HS6ST1: variants seen among roughly 807,000 people sequenced by gnomAD.
The protein encoded by HS6ST1 is heparan sulfate 6-O-sulfotransferase 1.
In HS6ST1, 3 loss-of-function variants were observed where a neutral mutation model predicts 25.2. That is an observed-to-expected ratio of 0.12 (90% CI 0.05 to 0.31). The LOEUF (loss-of-function observed/expected upper bound fraction) is 0.31, where lower values mean the gene tolerates loss of function less well. Among genes scored for constraint, HS6ST1 ranks in the 10% least tolerant of loss-of-function variants. HS6ST1 has a pLI of 1.00. For missense variants in HS6ST1, 310 were observed against 609.6 expected, an observed-to-expected ratio of 0.51 and a Z score of 5.18; for synonymous variants, 204 against 275.1, an observed-to-expected ratio of 0.74 and a Z score of 2.56.
At position 128,268,016 on chromosome 2, in the gene HS6ST1, C is replaced by T. The variant is rs1693548236; in HGVS notation, c.*146G>A. ...CCATCCCTGCCCAGCCCCACTACAT[C>T]CCTGCTCTGTTTTTTTTCAGGACGC... On this transcript the variant is annotated 3_prime_UTR_variant, in exon 2 of 2. Coordinates refer to ENST00000259241, the MANE Select transcript of HS6ST1 (RefSeq NM_004807.3). 3.0e-6 allele frequency: 2 copies of T among 672,618 alleles called. No homozygotes were observed. The highest frequency in any genetic ancestry group is 5.2e-6 in the Non-Finnish European group (2 of 385,290). 41.7% of individuals were successfully genotyped at this position (672,618 alleles called of 1,614,324 possible).
At chr2:128,298,909 G>C (rs1162976545) in intron 1 of HS6ST1, among the ~76,000 whole-genome samples, 2 of 152,364 alleles carry the variant, frequency 1.3e-5, no homozygotes, top group East Asian at 3.9e-4. Flanking sequence ...AGGGAAAGCA[G>C]CACGTCCCTG....
intron 1 of HS6ST1, among the ~76,000 whole-genome samples, chr2:128,290,697 C>A (rs114349835): frequency 2.0e-5 from 3 of 151,938 alleles, no homozygotes; most frequent in African/African-American, 7.3e-5. Flanking sequence ...TTTGGCCAGG[C>A]GTGGTAGCTC....
In HS6ST1 at chr2:128,307,282, TGCTGGTCA is replaced by T. The variant is rs561406154; in HGVS notation, c.527+10747_527+10754del. ...TGGGGGGTGCACGCTGCAGGGAGGA[TGCTGGTCA>T]GCTGCCATCTGTCCACCTGCTCACA... is the stretch of plus-strand genomic sequence containing the variant. On this transcript the variant is annotated intron_variant, in intron 1 of 1. Coordinates refer to ENST00000259241, the MANE Select transcript of HS6ST1 (RefSeq NM_004807.3). 2.5e-3 allele frequency among the ~76,000 whole-genome samples: 382 copies of T among 152,210 alleles called. 1 individual carries two copies. Among genetic ancestry groups the T allele is most frequent in the African/African-American group, 8.6e-3 (356 of 41,530 alleles).
chr2:128,293,012 C>T (rs1027309433), intron 1 of HS6ST1, among the ~76,000 whole-genome samples: 4 of 152,118 alleles, frequency 2.6e-5, no homozygotes, highest in East Asian at 1.9e-4. Context: ...GGGTCCTTGC[C>T]GTGGCTGCAG....
At chr2:128,311,759 C>G (rs1694292551) in intron 1 of HS6ST1, among the ~76,000 whole-genome samples, 1 of 152,188 alleles carries the variant, frequency 6.6e-6, no homozygotes, top group African/African-American at 2.4e-5. Flanking sequence ...GAGGGATGGC[C>G]TAGACCCACC....
chr2:128,287,462 A>G (rs972768963), intron 1 of HS6ST1, among the ~76,000 whole-genome samples: 1 of 152,206 alleles, frequency 6.6e-6, no homozygotes, highest in Admixed American at 6.5e-5. Context: ...AACTGGGCAG[A>G]GAGCCGGGAT....
chr2:128,302,554 C>G (rs1487346623), intron 1 of HS6ST1, among the ~76,000 whole-genome samples: 1 of 152,124 alleles, frequency 6.6e-6, no homozygotes, highest in African/African-American at 2.4e-5. Context: ...TAGCTCTGCA[C>G]GCAGGTGCTG....
chr2:128,298,810 T>A (rs1205735502), intron 1 of HS6ST1, among the ~76,000 whole-genome samples: 1 of 152,212 alleles, frequency 6.6e-6, no homozygotes, highest in Non-Finnish European at 1.5e-5. Context: ...GTAAATTTTA[T>A]GTTATGCATA....
chr2:128,269,023 C>T (rs895088674), intron 1 of HS6ST1, among the ~76,000 whole-genome samples, 153 bp from the exon 2 acceptor site: 17 of 152,228 alleles, frequency 1.1e-4, no homozygotes, highest in African/African-American at 3.9e-4. Flanking sequence ...GTTTCAAAAC[C>T]CGGTATCAGA....
chr2:128,270,962 T>C (rs1001474002), intron 1 of HS6ST1, among the ~76,000 whole-genome samples: 1 of 152,130 alleles, frequency 6.6e-6, no homozygotes, highest in African/African-American at 2.4e-5. Flanking sequence ...CCTCTCCCAT[T>C]TTCAGCGCCC....
chr2:128,311,009 C>CT (rs35860143), intron 1 of HS6ST1, among the ~76,000 whole-genome samples: 103,844 of 151,894 alleles, frequency 0.68, 36,850 homozygotes, highest in African/African-American at 0.87. Context: ...CTCCACACCC[C>CT]GCTCATCCTG....
chr2:128,315,152 C>T (rs1370858548), intron 1 of HS6ST1, among the ~76,000 whole-genome samples: 1 of 152,194 alleles, frequency 6.6e-6, no homozygotes, highest in Non-Finnish European at 1.5e-5. Flanking sequence ...TGAGGCAGCC[C>T]CCATGGTGAA....
chr2:128,311,774 C>A (rs1240232219), intron 1 of HS6ST1, among the ~76,000 whole-genome samples: 1 of 152,110 alleles, frequency 6.6e-6, no homozygotes, highest in African/African-American at 2.4e-5. Context: ...CCCACCTGCA[C>A]CCACACAGGC....
intron 1 of HS6ST1, among the ~76,000 whole-genome samples, chr2:128,301,557 G>A (rs1050280077): frequency 5.3e-5 from 8 of 152,182 alleles, no homozygotes; most frequent in African/African-American, 7.2e-5. Flanking sequence ...ACATCCCCAA[G>A]TGCCAACCAC....
At chr2:128,306,491 G>A (rs1694212296) in intron 1 of HS6ST1, among the ~76,000 whole-genome samples, 1 of 152,180 alleles carries the variant, frequency 6.6e-6, no homozygotes, top group Non-Finnish European at 1.5e-5. Flanking sequence ...GCTCTAGAGA[G>A]GTAAATATTT....
chr2:128,307,040 T>C (rs913411990), intron 1 of HS6ST1, among the ~76,000 whole-genome samples: 2 of 151,084 alleles, frequency 1.3e-5, no homozygotes, highest in South Asian at 2.1e-4. Flanking sequence ...GGTGGGGGGG[T>C]CCCTGTGACT....
At chr2:128,289,241 C>G (rs1693913411) in intron 1 of HS6ST1, among the ~76,000 whole-genome samples, 1 of 147,412 alleles carries the variant, frequency 6.8e-6, no homozygotes, top group Non-Finnish European at 1.5e-5. Context: ...AAGCTGTCAC[C>G]TGAGCAGTGA....
chr2:128,303,531 C>T (rs1279175875), intron 1 of HS6ST1, among the ~76,000 whole-genome samples: 1 of 152,242 alleles, frequency 6.6e-6, no homozygotes, highest in African/African-American at 2.4e-5. Flanking sequence ...AAAGTCCCAC[C>T]TGCACACGCA....
At chr2:128,314,923 G>C (rs1694338647) in intron 1 of HS6ST1, among the ~76,000 whole-genome samples, 1 of 152,230 alleles carries the variant, frequency 6.6e-6, no homozygotes, top group Non-Finnish European at 1.5e-5. Context: ...GTTGCCTTCA[G>C]GCAGACGGGA....
Sources: gnomAD v4.1 joint callset for allele counts (sites outside exome capture counted in the v4.1 genomes callset) on GRCh38, gnomAD v4.1.1 for gene constraint, MANE v1.5 for transcripts, NCBI Gene and HGNC (gene_info 2026-07-23, HGNC 2026-07-21) for gene names.